Variants in AFF1 observed in about 807,000 individuals in gnomAD.
AFF1 encodes the protein ALF transcription elongation factor 1.
Under a neutral mutation model 121.7 loss-of-function variants are expected in AFF1, and 48 were observed. The ratio of observed to expected loss-of-function variants is 0.39; its 90% CI spans 0.31 to 0.50. The LOEUF (loss-of-function observed/expected upper bound fraction) is 0.50. AFF1 is among the 20% of genes least tolerant of loss of function. The pLI, the probability that AFF1 is intolerant of heterozygous loss-of-function variation, is 0.76. For missense variants in AFF1, 1,523 were observed against 1,511.7 expected, an observed-to-expected ratio of 1.01 and a Z score of -0.12; for synonymous variants, 613 against 563.0, an observed-to-expected ratio of 1.09 and a Z score of -1.26.
intron 2 of AFF1, among the ~76,000 whole-genome samples, chr4:86,965,365 C>T (rs1722465313): frequency 6.6e-6 from 1 of 152,244 alleles, no homozygotes; most frequent in African/African-American, 2.4e-5. Context: ...TGTTTTCTCA[C>T]AGCAGTGTTT....
Position 87,059,752 on chromosome 4 carries a change from T to C in AFF1, c.1059+12158T>C, listed in dbSNP as rs377700060. On this transcript the variant is annotated intron_variant, in intron 4 of 20. Coordinates refer to ENST00000395146, the MANE Select transcript of AFF1 (RefSeq NM_001166693.3). ...TTCCACTGCAGCCCCCAGACCCTTATAGATGACTTTCTGCTGTGCACCCCG... is the reference window on the plus strand; with the variant it reads ...TTCCACTGCAGCCCCCAGACCCTTACAGATGACTTTCTGCTGTGCACCCCG... Among the ~76,000 whole-genome samples, 82 of 152,312 alleles carry C rather than the reference T, an allele frequency of 5.4e-4. No individual in the cohort carries two copies. In the South Asian group the frequency reaches 0.016, roughly 29 times the overall value.
chr4:86,945,319 CTTTTTT>C (rs72025655), intron 1 of AFF1, among the ~76,000 whole-genome samples: 39 of 111,686 alleles, frequency 3.5e-4, no homozygotes, highest in Non-Finnish European at 4.4e-4. Context: ...TTTTCTTTTC[CTTTTTT>C]TTTTTTTTTT....
intron 2 of AFF1, among the ~76,000 whole-genome samples, chr4:87,026,188 A>G (rs757376515): frequency 7.9e-5 from 12 of 152,068 alleles, no homozygotes; most frequent in Non-Finnish European, 1.6e-4. Context: ...CTGGGCAACA[A>G]GAGTGAAACT....
At chr4:87,020,669 G>A (rs1727808840) in intron 2 of AFF1, 1 of 394,062 alleles carries the variant, frequency 2.5e-6, no homozygotes, top group African/African-American at 2.2e-5. Context: ...TATTTTTAGT[G>A]GAGACAGGGT....
intron 11 of AFF1, among the ~76,000 whole-genome samples, chr4:87,111,012 A>ATTTTTTTTTTTTTTTTTTTTTTTTTTTT (rs1281817683): frequency 3.4e-5 from 1 of 29,278 alleles, no homozygotes; most frequent in African/African-American, 8.9e-5. Context: ...TTTTTTTTTT[A>ATTTTTTTTTTTTTTTTTTTTTTTTTTTT]TTTTTTTTTT....
chr4:87,125,861 A>C (rs889105695), intron 13 of AFF1, among the ~76,000 whole-genome samples: 1 of 152,182 alleles, frequency 6.6e-6, no homozygotes, highest in Non-Finnish European at 1.5e-5. Context: ...GGTTGGGGAA[A>C]GTCAGGACCA....
chr4:86,935,527 C>G (rs1318847164), intron 1 of AFF1: 1 of 152,360 alleles, frequency 6.6e-6, no homozygotes, highest in Non-Finnish European at 1.5e-5. Context: ...TCACGCGCAG[C>G]CCCCAAGTCA....
Position 87,106,668 on chromosome 4 carries a change from A to G in AFF1, c.1376+823A>G, listed in dbSNP as rs187716616. 2.0e-5 allele frequency among the ~76,000 whole-genome samples: 3 copies of G among 152,348 alleles called. No individual in the cohort carries two copies. The East Asian group carries it at 5.8e-4, about 29-fold the overall frequency. On this transcript the variant is annotated intron_variant, in intron 10 of 20. Coordinates refer to ENST00000395146, the MANE Select transcript of AFF1 (RefSeq NM_001166693.3). ...ATACTTTAGGAAATGTGATGATTTA[A>G]TTTTTGAAAATATGAACTATTTGAA...
In AFF1 at chr4:86,969,071, C is replaced by T. The variant is rs545256182; in HGVS notation, c.38+20500C>T. ...ACGTGGTAGCCTCTCCACGGAGCGC[C>T]TCCTTGTTCCTTCAGGAATCTGCAT... On this transcript the variant is annotated intron_variant, in intron 2 of 20. Transcript: ENST00000395146. 1.8e-3 allele frequency among the ~76,000 whole-genome samples: 280 copies of T among 152,330 alleles called. 3 individuals carry two copies. Among genetic ancestry groups the T allele is most frequent in the Non-Finnish European group, 3.4e-3 (229 of 68,034 alleles).
chr4:87,038,858 A>G (rs1729827526), intron 2 of AFF1, among the ~76,000 whole-genome samples: 1 of 152,244 alleles, frequency 6.6e-6, no homozygotes, highest in African/African-American at 2.4e-5. Context: ...TCTGTCATCC[A>G]AGAGAGAGTT....
intron 4 of AFF1, among the ~76,000 whole-genome samples, chr4:87,069,544 T>TTCTCTCCCCTCCTC (rs1193791942): frequency 9.2e-4 from 130 of 141,444 alleles, no homozygotes; most frequent in African/African-American, 3.5e-3. Flanking sequence ...CCCCTCCTCT[T>TTCTCTCCCCTCCTC]TCTCTCCCCT....
intron 2 of AFF1, among the ~76,000 whole-genome samples, chr4:86,996,023 C>G (rs977208069): frequency 6.7e-6 from 1 of 148,592 alleles, no homozygotes; most frequent in Non-Finnish European, 1.5e-5. Context: ...AAGTGAGGAG[C>G]CCCTCCGCCC....
At chr4:87,118,608 G>A (rs377264189) in intron 12 of AFF1, among the ~76,000 whole-genome samples, 24 of 152,106 alleles carry the variant, frequency 1.6e-4, no homozygotes, top group African/African-American at 5.8e-4. Context: ...CTGGGCTCAG[G>A]TGACCCTCCT....
intron 2 of AFF1, among the ~76,000 whole-genome samples, chr4:86,972,482 A>G (rs901793868): frequency 6.6e-6 from 1 of 152,180 alleles, no homozygotes; most frequent in African/African-American, 2.4e-5. Flanking sequence ...ATATCTCAAC[A>G]ACTTTAATTA....
rs1723447687 is a variant in AFF1, at chr4:87,084,154, A to C, written c.1094A>C (p.Glu365Ala). Reference sequence around the variant, plus strand: ...TCCAATGAAGTCCATTGTGTTGAAGAGATTCTGAAGGTGAGTTCACTGTTA... The same window carrying C: ...TCCAATGAAGTCCATTGTGTTGAAGCGATTCTGAAGGTGAGTTCACTGTTA... ...TYSNEVHCVE[E>A]ILKEMTHSWP... The change falls in exon 5 of 21, where the codon GAG (glutamate) becomes GCG (alanine). Residue 365 changes from glutamate (E) to alanine (A), a missense_variant. This residue lies in a region of AFF1 where 905 missense variants were observed against 842.5 expected (regional missense o/e 1.07). Transcript: ENST00000395146. 2 of 1,613,696 alleles carry C rather than the reference A, an allele frequency of 1.2e-6. No homozygotes were observed. The highest frequency in any genetic ancestry group is 1.1e-5 in the South Asian group (1 of 91,086).
intron 2 of AFF1, among the ~76,000 whole-genome samples, chr4:87,004,024 G>A (rs1219474844): frequency 6.6e-6 from 1 of 152,196 alleles, no homozygotes; most frequent in East Asian, 1.9e-4. Context: ...AATGAAAGCA[G>A]ACCACAAGCA....
chr4:87,033,150 A>C (rs1010566470), intron 2 of AFF1, among the ~76,000 whole-genome samples: 5 of 152,212 alleles, frequency 3.3e-5, no homozygotes, highest in Non-Finnish European at 7.3e-5. Context: ...CAAAAAACAA[A>C]ACAAGAATAA....
intron 2 of AFF1, among the ~76,000 whole-genome samples, chr4:86,991,424 G>C (rs1031694293): frequency 1.4e-5 from 2 of 145,372 alleles, no homozygotes; most frequent in African/African-American, 2.5e-5. Flanking sequence ...CAGCCTGGGC[G>C]ACAGAGTGAG....
chr4:87,047,466 C>G lies in AFF1; in HGVS notation c.931C>G (p.Pro311Ala). 1 of 1,614,144 alleles carries G rather than the reference C, an allele frequency of 6.2e-7. No individual in the cohort carries two copies. The highest frequency in any genetic ancestry group is 1.6e-4 in the Middle Eastern group (1 of 6,062). Residue 311 changes from proline (P) to alanine (A), a missense_variant, in exon 4 of 21, where the codon CCT becomes GCT. Coordinates refer to ENST00000395146, the MANE Select transcript of AFF1 (RefSeq NM_001166693.3). ...GCCCATGGATGGTCAAGATCAGGCC[C>G]CTAGTGAATCCCCTGAACTGAAACC... ...VRPMDGQDQA[P>A]SESPELKPLP...
Sources: gnomAD v4.1 joint callset for allele counts (sites outside exome capture counted in the v4.1 genomes callset) on GRCh38, gnomAD v4.1.1 for gene constraint, gnomAD v4.1.1 regional missense constraint, MANE v1.5 for transcripts, NCBI Gene and HGNC (gene_info 2026-07-23, HGNC 2026-07-21) for gene names.